The following ARMH3 variants were observed in gnomAD, a reference collection of about 807,000 sequenced individuals.
The protein encoded by ARMH3 is armadillo like helical domain containing 3.
Under a neutral mutation model 99.1 loss-of-function variants are expected in ARMH3, and 60 were observed. The observed-to-expected ratio is 0.61, with a 90% CI of 0.49 to 0.75. The LOEUF is 0.75. Ranked by LOEUF, ARMH3 falls within the 30% of genes least tolerant of loss-of-function variation. The pLI is 0.00. For missense variants in ARMH3, 679 were observed against 843.1 expected (o/e 0.81, Z 2.41); for synonymous variants, 285 against 292.8 (o/e 0.97, Z 0.27).
chr10:101,931,686 G>T (rs1362181534), intron 23 of ARMH3, among the ~76,000 whole-genome samples: 1 of 152,158 alleles, frequency 6.6e-6, no homozygotes, highest in Non-Finnish European at 1.5e-5. Flanking sequence ...GGGAGGCTGA[G>T]GCAGGAGGAT....
chr10:102,012,923 G>A, intron 9 of ARMH3, 47 bp from the exon 10 acceptor site: 3 of 1,519,922 alleles, frequency 2.0e-6, no homozygotes, highest in Non-Finnish European at 2.7e-6. Flanking sequence ...GTAGCCTTTG[G>A]GAGTTGGTGA....
intron 23 of ARMH3, among the ~76,000 whole-genome samples, chr10:101,936,026 T>C (rs1463082295): frequency 3.9e-5 from 6 of 152,162 alleles, no homozygotes; most frequent in Non-Finnish European, 8.8e-5. Context: ...CTCATTACCA[T>C]TGGTTCACTG....
chr10:101,911,906 G>A lies in ARMH3; in HGVS notation c.1782-22416C>T, dbSNP rs181441116. Among the ~76,000 whole-genome samples the A allele has an allele frequency of 1.2e-4, 18 of 152,172 alleles. No homozygotes were observed. In the East Asian group the frequency reaches 2.1e-3, roughly 18 times the overall value. ...CAAAAATTACCTGGGAGTGGTGGGC[G>A]CCTGTAGCCCCAGTTACTCAGGAGG... On this transcript the variant is annotated intron_variant, in intron 23 of 25. Coordinates refer to ENST00000370033, the MANE Select transcript of ARMH3 (RefSeq NM_024541.3).
chr10:102,026,954 T>C (rs1045234978), intron 5 of ARMH3, among the ~76,000 whole-genome samples: 1 of 152,202 alleles, frequency 6.6e-6, no homozygotes, highest in African/African-American at 2.4e-5. Context: ...CCACAGTACC[T>C]GGCATATAGG....
chr10:102,008,861 G>C (rs2066567632), intron 13 of ARMH3, among the ~76,000 whole-genome samples: 1 of 152,074 alleles, frequency 6.6e-6, no homozygotes, highest in Admixed American at 6.6e-5. Context: ...CACAGCGCAG[G>C]GCCCAGCGCT....
chr10:101,940,048 T>C, intron 22 of ARMH3, 110 bp from the exon 23 acceptor site: 1 of 747,816 alleles, frequency 1.3e-6, no homozygotes, highest in Non-Finnish European at 2.1e-6. Context: ...AAACAAAGCC[T>C]GCGCCAATCT....
At chr10:101,866,272 T>C (rs1379395039) in intron 24 of ARMH3, among the ~76,000 whole-genome samples, 1 of 151,492 alleles carries the variant, frequency 6.6e-6, no homozygotes, top group Admixed American at 6.6e-5. Flanking sequence ...ATATTTTTCA[T>C]GGTGTTTAGT....
chr10:102,007,228 A>G (rs2066519863), intron 13 of ARMH3, among the ~76,000 whole-genome samples: 1 of 149,158 alleles, frequency 6.7e-6, no homozygotes, highest in Admixed American at 6.7e-5. Context: ...TCTCATGAGT[A>G]CTTGATTACG....
intron 24 of ARMH3, among the ~76,000 whole-genome samples, chr10:101,851,171 T>C (rs564578308): frequency 2.6e-5 from 4 of 152,216 alleles, no homozygotes; most frequent in Non-Finnish European, 4.4e-5. Flanking sequence ...TCTGATTTTC[T>C]ATGCGGGGAG....
chr10:101,964,273 G>A (rs1410856803), intron 20 of ARMH3, among the ~76,000 whole-genome samples: 1 of 152,132 alleles, frequency 6.6e-6, no homozygotes, highest in African/African-American at 2.4e-5. Context: ...GCTTCCCAAA[G>A]TGCTAGGATT....
At chr10:101,935,213 G>A (rs1394085876) in intron 23 of ARMH3, among the ~76,000 whole-genome samples, 1 of 111,308 alleles carries the variant, frequency 9.0e-6, no homozygotes, top group Non-Finnish European at 1.9e-5. Context: ...TTTTTGTATA[G>A]CAAAGCAACG....
chr10:101,853,442 T>A (rs942614281), intron 24 of ARMH3, among the ~76,000 whole-genome samples: 1 of 152,180 alleles, frequency 6.6e-6, no homozygotes, highest in African/African-American at 2.4e-5. Context: ...CATTTGAGTC[T>A]CAGCACTGGC....
rs758589301 is a variant in ARMH3 at position 102,001,935 on chromosome 10, T to C, written c.1150+36A>G. Reference sequence around the variant, plus strand: ...TTGATGCTAGCTGCCTGCCACACCTTTGACTTCCTGAGCCCCCAAAATAGC... The same window carrying C: ...TTGATGCTAGCTGCCTGCCACACCTCTGACTTCCTGAGCCCCCAAAATAGC... On this transcript the variant is annotated intron_variant, in intron 15 of 25. Transcript: ENST00000370033. 2.3e-5 allele frequency: 37 copies of C among 1,589,906 alleles called. No individual in the cohort carries two copies. In the African/African-American group the frequency reaches 4.4e-4, roughly 19 times the overall value.
chr10:101,866,352 C>T (rs1006113907), intron 24 of ARMH3, among the ~76,000 whole-genome samples: 1 of 151,886 alleles, frequency 6.6e-6, no homozygotes, highest in Non-Finnish European at 1.5e-5. Context: ...TGAAAGTGCT[C>T]GCAAGAAGCA....
intron 20 of ARMH3, among the ~76,000 whole-genome samples, chr10:101,962,737 G>A (rs1293491595): frequency 1.3e-5 from 2 of 152,132 alleles, no homozygotes; most frequent in African/African-American, 2.4e-5. Context: ...GACAAATCAT[G>A]CTGGGGAGAA....
chr10:101,942,688 C>A (rs532121846), intron 22 of ARMH3, among the ~76,000 whole-genome samples: 49 of 152,108 alleles, frequency 3.2e-4, no homozygotes, highest in African/African-American at 1.1e-3. Flanking sequence ...ATGGTGAAAC[C>A]CCATCTCTAC....
At chr10:101,953,782 A>G (rs893642416) in intron 22 of ARMH3, among the ~76,000 whole-genome samples, 3 of 152,142 alleles carry the variant, frequency 2.0e-5, no homozygotes, top group Non-Finnish European at 4.4e-5. Context: ...GCTGGAGAGA[A>G]TGTAAAATAG....
At chr10:101,856,016 C>A (rs142626998) in intron 24 of ARMH3, among the ~76,000 whole-genome samples, 5 of 152,148 alleles carry the variant, frequency 3.3e-5, no homozygotes, top group South Asian at 2.1e-4. Context: ...GAGGCACATT[C>A]TTGGGTTTAC....
intron 20 of ARMH3, among the ~76,000 whole-genome samples, chr10:101,964,167 C>T (rs1041689536): frequency 7.9e-5 from 12 of 152,090 alleles, no homozygotes; most frequent in South Asian, 6.2e-4. Context: ...TAAGCCACTG[C>T]GCCCGGCAAT....
Sources: allele counts gnomAD v4.1 joint callset (sites outside exome capture counted in the v4.1 genomes callset), GRCh38; gene constraint gnomAD v4.1.1; transcripts MANE v1.5; gene names NCBI Gene and HGNC (gene_info 2026-07-23, HGNC 2026-07-21).